Variants in NOTCH1 observed in about 807,000 individuals in gnomAD.
NOTCH1 encodes the protein notch receptor 1.
Under a neutral mutation model 254.8 loss-of-function variants are expected in NOTCH1, and 37 were observed. The ratio of observed to expected loss-of-function variants is 0.15; its 90% CI spans 0.11 to 0.19. The LOEUF is 0.19. Among genes scored for constraint, NOTCH1 ranks in the 10% least tolerant of loss-of-function variants. The pLI, the probability that NOTCH1 is intolerant of heterozygous loss-of-function variation, is 1.00. For synonymous variants in NOTCH1, 1,731 were observed against 1,618.1 expected (o/e 1.07, Z -1.68); for missense variants, 2,972 against 3,708.6 (o/e 0.80, Z 5.16).
Position 136,496,502 on chromosome 9 carries a change from G to A in NOTCH1, c.7237C>T (p.Pro2413Ser), listed in dbSNP as rs375679294. 2.5e-6 allele frequency: 4 copies of A among 1,602,506 alleles called. No individual in the cohort carries two copies. Among genetic ancestry groups the A allele is most frequent in the Non-Finnish European group, 3.4e-6 (4 of 1,179,916 alleles). The change falls in exon 34 of 34, where the codon CCA becomes TCA. Residue 2413 changes from proline to serine, a missense_variant. Coordinates refer to ENST00000651671, the MANE Select transcript of NOTCH1 (RefSeq NM_017617.5). ...QQQQSLQPPPPPPQPHLGVSS... is the reference protein window; with the variant it reads ...QQQQSLQPPPSPPQPHLGVSS... ...ACGCCAAGGTGCGGCTGTGGTGGTG[G>A]TGGTGGCGGCTGCAGGCTTTGCTGC...
chr9:136,511,372 C>T (rs1564195131), intron 15 of NOTCH1, 101 bp from the exon 16 acceptor site: 2 of 1,443,340 alleles, frequency 1.4e-6, no homozygotes, highest in Non-Finnish European at 1.9e-6. Flanking sequence ...GTGCCGTCTG[C>T]TGGTCCCGCC....
At chr9:136,539,799 G>T (rs892651149) in intron 2 of NOTCH1, among the ~76,000 whole-genome samples, 1 of 152,200 alleles carries the variant, frequency 6.6e-6, no homozygotes, top group African/African-American at 2.4e-5. Flanking sequence ...AGACGAGGCA[G>T]GTGACTCAAT....
At position 136,494,782 on chromosome 9, in the gene NOTCH1, A is replaced by AT. The variant is rs1242475635; in HGVS notation, c.*1288dup. 5.6e-4 allele frequency: 222 copies of AT among 398,730 alleles called. 1 individual carries two copies. The East Asian group carries it at 7.7e-3, about 14-fold the overall frequency. The allele number at this position is 398,730 out of a possible 1,614,324, so 24.7% of individuals were successfully genotyped here. On this transcript the variant is annotated 3_prime_UTR_variant, in exon 34 of 34. Coordinates refer to ENST00000651671, the MANE Select transcript of NOTCH1 (RefSeq NM_017617.5). ...ACACACAACAGACTCATTCATTAAG[A>AT]TTTTTTAAACAAAATCCACCTTTAA... is the stretch of plus-strand genomic sequence containing the variant.
rs529738206 is a variant in NOTCH1, at chr9:136,523,758, G to A, written c.362C>T (p.Thr121Met). ...GCAGCGGCACTTGTACTCCGTCAGC[G>A]TGAGCAGGTCGCAGGTGCCCCCGTT... ...CRNGGTCDLL[T>M]LTEYKCRCPP... is the part of the protein sequence containing the mutation. The change falls in exon 3 of 34, where the codon ACG becomes ATG. Residue 121 changes from threonine to methionine, a missense_variant. Transcript: ENST00000651671. The A allele has an allele frequency of 1.7e-5, 28 of 1,611,152 alleles. No homozygotes were observed. The highest frequency in any genetic ancestry group is 1.5e-4 in the African/African-American group (11 of 75,026).
chr9:136,519,673 G>T, intron 4 of NOTCH1, 108 bp from the exon 5 acceptor site: 1 of 1,561,462 alleles, frequency 6.4e-7, no homozygotes, highest in Non-Finnish European at 8.8e-7. Flanking sequence ...CCACGGCCCT[G>T]CCCTGGGGCC....
intron 15 of NOTCH1, among the ~76,000 whole-genome samples, chr9:136,512,497 C>T (rs1478354260): frequency 6.6e-6 from 1 of 152,188 alleles, no homozygotes; most frequent in African/African-American, 2.4e-5. Flanking sequence ...GGGGAACATC[C>T]CCCTCCCCGC....
chr9:136,518,101 C>A lies in NOTCH1; in HGVS notation c.1255+36G>T, dbSNP rs538295874. 3.6e-4 allele frequency: 559 copies of A among 1,565,690 alleles called. 8 individuals are homozygous for A. The South Asian group carries it at 5.3e-3, about 15-fold the overall frequency. On this transcript the variant is annotated intron_variant, in intron 7 of 33. Transcript: ENST00000651671. The stretch of plus-strand genomic sequence containing the variant: ...CATCGGTTCTGGGGCCAGGCTGCCA[C>A]CCCCACCTGGCCGCACCCCCTGTGC...
chr9:136,522,122 C>A (rs1473785545), intron 4 of NOTCH1, among the ~76,000 whole-genome samples: 1 of 151,904 alleles, frequency 6.6e-6, no homozygotes, highest in Non-Finnish European at 1.5e-5. Flanking sequence ...GGACTACAGG[C>A]GCGTGCCACC....
intron 2 of NOTCH1, among the ~76,000 whole-genome samples, chr9:136,538,988 G>T (rs1843694517): frequency 6.6e-6 from 1 of 152,188 alleles, no homozygotes; most frequent in Non-Finnish European, 1.5e-5. Context: ...ACTGCCCAGT[G>T]GGCACCGGTG....
chr9:136,544,176 G>T, intron 1 of NOTCH1, 74 bp from the exon 2 acceptor site: 1 of 1,372,754 alleles, frequency 7.3e-7, no homozygotes, highest in Non-Finnish European at 1.0e-6. Flanking sequence ...TACCCTGGGG[G>T]CGGGGACCTG....
chr9:136,534,689 C>T (rs925691053), intron 2 of NOTCH1, among the ~76,000 whole-genome samples: 2 of 152,032 alleles, frequency 1.3e-5, no homozygotes, highest in Admixed American at 6.5e-5. Context: ...GATCCGGAGA[C>T]GCCCTTGGTA....
chr9:136,502,860 C>CTT, intron 27 of NOTCH1: 2 of 566,522 alleles, frequency 3.5e-6, no homozygotes, highest in Non-Finnish European at 3.2e-6. Context: ...CTCTCTCTCT[C>CTT]TTTTTTTTTC....
At chr9:136,536,604 TC>T (rs1450003064) in intron 2 of NOTCH1, among the ~76,000 whole-genome samples, 1 of 152,116 alleles carries the variant, frequency 6.6e-6, no homozygotes, top group Non-Finnish European at 1.5e-5. Context: ...GGTCTGGAGC[TC>T]CCTGCCGCTG....
At chr9:136,499,505 G>A (rs1015788188) in intron 31 of NOTCH1, among the ~76,000 whole-genome samples, 1 of 152,224 alleles carries the variant, frequency 6.6e-6, no homozygotes, top group African/African-American at 2.4e-5. Flanking sequence ...TCGTGACCAC[G>A]TGTGGCCTCA....
At chr9:136,543,536 G>T (rs1414499477) in intron 2 of NOTCH1, 1 of 303,640 alleles carries the variant, frequency 3.3e-6, no homozygotes, top group African/African-American at 2.4e-5. Flanking sequence ...CATCACCTGT[G>T]CCAGAGGAGG....
At chr9:136,501,593 C>G (rs1026526195) in intron 30 of NOTCH1, among the ~76,000 whole-genome samples, 155 bp downstream of exon 30, 1 of 152,156 alleles carries the variant, frequency 6.6e-6, no homozygotes, top group Non-Finnish European at 1.5e-5. Flanking sequence ...AGGACCCCCC[C>G]ACGTCTACTC....
intron 2 of NOTCH1, among the ~76,000 whole-genome samples, chr9:136,539,388 T>G (rs1843699684): frequency 6.6e-6 from 1 of 152,050 alleles, no homozygotes. Flanking sequence ...GGGTTTTTTT[T>G]GTTGTTTTTT....
Position 136,523,150 on chromosome 9 carries a change from G to T in NOTCH1, c.442C>A (p.Pro148Thr). ...CQQADPCASN[P>T]CANGGQCLPF... ...AGGCACTGGCCACCGTTGGCGCAGGGGTTGGAGGCGCACGGGTCAGCCTGC... is the reference window on the plus strand; with the variant it reads ...AGGCACTGGCCACCGTTGGCGCAGGTGTTGGAGGCGCACGGGTCAGCCTGC... The change falls in exon 4 of 34, where the codon CCC (proline) becomes ACC (threonine). Residue 148 changes from proline (P) to threonine (T), a missense_variant. Pro to Thr is a conservative substitution (Grantham distance 38). This residue lies in a region of NOTCH1 where 374 missense variants were observed against 496.3 expected (regional missense o/e 0.75). Transcript: ENST00000651671. 6.2e-7 allele frequency: 1 copy of T among 1,606,008 alleles called. No homozygotes were observed. Among genetic ancestry groups the T allele is most frequent in the South Asian group, 1.1e-5 (1 of 89,600 alleles).
At chr9:136,521,843 C>A (rs1003647585) in intron 4 of NOTCH1, among the ~76,000 whole-genome samples, 2 of 152,232 alleles carry the variant, frequency 1.3e-5, no homozygotes, top group African/African-American at 4.8e-5. Flanking sequence ...GGTGGGGCAG[C>A]CCTTGGGCCA....
Sources: allele counts gnomAD v4.1 joint callset (sites outside exome capture counted in the v4.1 genomes callset), GRCh38; gene constraint gnomAD v4.1.1; regional missense constraint gnomAD v4.1.1; transcripts MANE v1.5; gene names NCBI Gene and HGNC (gene_info 2026-07-23, HGNC 2026-07-21).